ATP13A5: variants seen among roughly 807,000 people sequenced by gnomAD.
ATP13A5 encodes the protein probable cation-transporting ATPase 13A5.
Under a neutral mutation model 150.2 loss-of-function variants are expected in ATP13A5, and 149 were observed. The ratio of observed to expected loss-of-function variants is 0.99; its 90% CI spans 0.87 to 1.14. The LOEUF (loss-of-function observed/expected upper bound fraction) is 1.14, where lower values mean the gene tolerates loss of function less well. ATP13A5 is among the 50% of genes most tolerant of loss of function. The pLI, the probability that ATP13A5 is intolerant of heterozygous loss-of-function variation, is 0.00. For synonymous variants in ATP13A5, 497 were observed against 522.2 expected (o/e 0.95, Z 0.66); for missense variants, 1,383 against 1,449.3 (o/e 0.95, Z 0.74).
At chr3:193,344,147 C>T in intron 8 of ATP13A5, 92 bp from the exon 9 acceptor site, 1 of 1,474,180 alleles carries the variant, frequency 6.8e-7, no homozygotes, top group Non-Finnish European at 9.1e-7. Flanking sequence ...AACCTGTTGG[C>T]CAAGAGCTAC....
At chr3:193,336,509 T>C (rs907996236) in intron 9 of ATP13A5, among the ~76,000 whole-genome samples, 2 of 152,168 alleles carry the variant, frequency 1.3e-5, no homozygotes, top group Admixed American at 1.3e-4. Context: ...GTCCTTGAGA[T>C]AGTTGCTGAG....
chr3:193,304,271 G>A (rs1718524372), intron 23 of ATP13A5, among the ~76,000 whole-genome samples: 1 of 152,188 alleles, frequency 6.6e-6, no homozygotes, highest in African/African-American at 2.4e-5. Flanking sequence ...GAAAGTGGGA[G>A]TTGGGAAGAG....
intron 5 of ATP13A5, among the ~76,000 whole-genome samples, chr3:193,357,138 G>A (rs1239941662): frequency 1.3e-5 from 2 of 152,144 alleles, no homozygotes; most frequent in East Asian, 3.9e-4. Flanking sequence ...TTTAAATCCT[G>A]TCTAAAAATC....
chr3:193,342,392 T>A lies in ATP13A5; in HGVS notation c.943+1535A>T, dbSNP rs3845937. ...TGAGTGGGAGGATCTATGTAGGCTG[T>A]GCAATAAAGTATTTAGACCAGACTG... On this transcript the variant is annotated intron_variant, in intron 9 of 29. Transcript: ENST00000342358. Among the ~76,000 whole-genome samples, 53 of 152,316 alleles carry A rather than the reference T, an allele frequency of 3.5e-4. No individual in the cohort carries two copies. In the South Asian group the frequency reaches 0.011, roughly 30 times the overall value.
chr3:193,292,917 A>G (rs1326397016), intron 25 of ATP13A5, among the ~76,000 whole-genome samples: 1 of 152,156 alleles, frequency 6.6e-6, no homozygotes, highest in East Asian at 1.9e-4. Context: ...GAGAATCTGT[A>G]TACCTGATTA....
rs1712677337 is a variant in ATP13A5 at position 193,353,985 on chromosome 3, G to A, written c.606+142C>T. ...GAAAGGAATTTTAAAGTAAACCTGA[G>A]TTTAAAATAAGCAGTAACAAAAAGA... On this transcript the variant is annotated intron_variant, in intron 6 of 29. Transcript: ENST00000342358. 1.1e-5 allele frequency: 7 copies of A among 620,226 alleles called. 1 individual carries two copies. The South Asian group carries it at 1.7e-4, about 15-fold the overall frequency. The allele number at this position is 620,226 out of a possible 1,614,324, so 38.4% of individuals were successfully genotyped here.
Position 193,275,207 on chromosome 3 carries a change from T to C in ATP13A5, c.3492A>G (p.Leu1164=), listed in dbSNP as rs903219035. The C allele has an allele frequency of 1.9e-6, 3 of 1,614,122 alleles. No homozygotes were observed. Among genetic ancestry groups the C allele is most frequent in the African/African-American group, 2.7e-5 (2 of 74,930 alleles). Reference sequence around the variant, plus strand: ...TGGGAGGCCAGGTTGAGTCTTCTGCTAGCTTCTTTTGCCAAGTCCTATATT... The same window carrying C: ...TGGGAGGCCAGGTTGAGTCTTCTGCCAGCTTCTTTTGCCAAGTCCTATATT... ...KSQYRTWQKK[L]AEDSTWPPIN... is the part of the protein sequence containing the mutation. The change falls in exon 30 of 30, where the codon CTA becomes CTG. Residue 1164 remains leucine (L), a synonymous_variant. Transcript: ENST00000342358.
rs200829352 is a variant in ATP13A5 at position 193,378,642 on chromosome 3, T to C, written c.63+21A>G. On this transcript the variant is annotated intron_variant, in intron 1 of 29. Coordinates refer to ENST00000342358, the MANE Select transcript of ATP13A5 (RefSeq NM_198505.4). ...GCCTTGGGCTCTTTGAGAAGACTAA[T>C]AAAATAAAGGGAAGACTCACCAGTT... 1.7e-4 allele frequency: 274 copies of C among 1,609,852 alleles called. 1 individual carries two copies. The South Asian group carries it at 2.1e-3, about 12-fold the overall frequency.
intron 9 of ATP13A5, among the ~76,000 whole-genome samples, chr3:193,342,572 T>G (rs1712170049): frequency 6.6e-6 from 1 of 152,196 alleles, no homozygotes; most frequent in Non-Finnish European, 1.5e-5. Context: ...AGAAGCCACT[T>G]GTCATTTAAG....
At chr3:193,284,029 A>ATTT (rs1489217203) in intron 27 of ATP13A5, among the ~76,000 whole-genome samples, 2 of 148,958 alleles carry the variant, frequency 1.3e-5, no homozygotes, top group South Asian at 2.2e-4. Flanking sequence ...TATTATTATT[A>ATTT]TTATTTTTTG....
chr3:193,308,643 T>A (rs1183612327), intron 21 of ATP13A5, among the ~76,000 whole-genome samples: 1 of 152,144 alleles, frequency 6.6e-6, no homozygotes, highest in East Asian at 1.9e-4. Context: ...AATCTTATCA[T>A]CTTCTAGTAT....
Position 193,335,114 on chromosome 3 carries a change from A to G in ATP13A5, c.944-15T>C. On this transcript the variant is annotated splice_polypyrimidine_tract_variant and intron_variant, in intron 9 of 29. Coordinates refer to ENST00000342358, the MANE Select transcript of ATP13A5 (RefSeq NM_198505.4). ...TATACTTTCTCCTAAAGAGGATTGTATTTTGTTGAATCTATGTAAGCTCAG... is the reference window on the plus strand; with the variant it reads ...TATACTTTCTCCTAAAGAGGATTGTGTTTTGTTGAATCTATGTAAGCTCAG... The G allele has an allele frequency of 3.7e-6, 6 of 1,612,520 alleles. No homozygotes were observed. Among genetic ancestry groups the G allele is most frequent in the South Asian group, 1.1e-5 (1 of 90,944 alleles).
chr3:193,357,927 T>C (rs1352883444), intron 5 of ATP13A5, among the ~76,000 whole-genome samples: 1 of 152,080 alleles, frequency 6.6e-6, no homozygotes. Context: ...AGGAGGACTT[T>C]CTCTTGGAGG....
At position 193,290,076 on chromosome 3, in the gene ATP13A5, T is replaced by A. The variant is rs924525058; in HGVS notation, c.2849-17A>T. The A allele has an allele frequency of 6.3e-7, 1 of 1,582,486 alleles. No individual in the cohort carries two copies. ...TTGAACTCACTGAAAGACAAATACA[T>A]TTTTTTCCTATTACAATCTTATCAT... On this transcript the variant is annotated splice_polypyrimidine_tract_variant and intron_variant, in intron 25 of 29. Coordinates refer to ENST00000342358, the MANE Select transcript of ATP13A5 (RefSeq NM_198505.4).
intron 1 of ATP13A5, among the ~76,000 whole-genome samples, chr3:193,367,588 TTATC>T (rs1400552026): frequency 2.6e-5 from 4 of 152,104 alleles, no homozygotes; most frequent in African/African-American, 9.7e-5. Flanking sequence ...CTAAAATAGA[TTATC>T]TAACTAAATC....
chr3:193,281,802 G>T (rs1190304077), intron 27 of ATP13A5, among the ~76,000 whole-genome samples: 1 of 152,042 alleles, frequency 6.6e-6, no homozygotes, highest in Non-Finnish European at 1.5e-5. Context: ...GTTATGTCTG[G>T]TATAGGGGTT....
At position 193,354,109 on chromosome 3, in the gene ATP13A5, A is replaced by G. The variant is rs1358894546; in HGVS notation, c.606+18T>C. On this transcript the variant is annotated intron_variant, in intron 6 of 29. Coordinates refer to ENST00000342358, the MANE Select transcript of ATP13A5 (RefSeq NM_198505.4). ...AGAAATCTATTTTTTCAAAAAAAAA[A>G]GAAAAGAAAACAGTTACCTGTTTAA... 6.3e-7 allele frequency: 1 copy of G among 1,578,362 alleles called. No individual in the cohort carries two copies. Among genetic ancestry groups the G allele is most frequent in the Non-Finnish European group, 8.6e-7 (1 of 1,165,852 alleles).
At chr3:193,287,877 A>C (rs1717783481) in intron 26 of ATP13A5, among the ~76,000 whole-genome samples, 1 of 152,176 alleles carries the variant, frequency 6.6e-6, no homozygotes, top group South Asian at 2.1e-4. Context: ...AGATGTCATT[A>C]ATAACATTCA....
chr3:193,290,682 A>C (rs1717915349), intron 25 of ATP13A5, among the ~76,000 whole-genome samples: 1 of 152,266 alleles, frequency 6.6e-6, no homozygotes, highest in African/African-American at 2.4e-5. Context: ...TTGCTTCTAG[A>C]TGAGAGTGTT....
Sources: gnomAD v4.1 joint callset for allele counts (sites outside exome capture counted in the v4.1 genomes callset) on GRCh38, gnomAD v4.1.1 for gene constraint, MANE v1.5 for transcripts, NCBI Gene and HGNC (gene_info 2026-07-23, HGNC 2026-07-21) for gene names.